The following SOX6 variants were observed in gnomAD, a reference collection of about 807,000 sequenced individuals.
The protein encoded by SOX6 is SRY-box transcription factor 6, also known as transcription factor SOX-6.
In SOX6, 11 loss-of-function variants were observed where a neutral mutation model predicts 97.8. The observed-to-expected ratio is 0.11, with a 90% CI of 0.07 to 0.19. The LOEUF (loss-of-function observed/expected upper bound fraction) is 0.19. Ranked by LOEUF, SOX6 falls within the 10% of genes least tolerant of loss-of-function variation. The pLI is 1.00. For synonymous variants in SOX6, 360 were observed against 371.4 expected (o/e 0.97, Z 0.35); for missense variants, 810 against 1,039.5 (o/e 0.78, Z 3.04).
chr11:16,699,450 T>G (rs751330492), intron 3 of SOX6, among the ~76,000 whole-genome samples: 2 of 152,286 alleles, frequency 1.3e-5, no homozygotes, highest in East Asian at 1.9e-4. Flanking sequence ...TTATTTAGAA[T>G]GCAAATTTTC....
chr11:16,377,230 A>T (rs559556770), intron 1 of SOX6, among the ~76,000 whole-genome samples: 7 of 152,130 alleles, frequency 4.6e-5, no homozygotes, highest in Non-Finnish European at 8.8e-5. Flanking sequence ...GTAGATAAAT[A>T]AAAACTGCAG....
intron 4 of SOX6, among the ~76,000 whole-genome samples, chr11:16,573,522 C>A (rs1316102002): frequency 6.6e-6 from 1 of 152,012 alleles, no homozygotes; most frequent in Non-Finnish European, 1.5e-5. Flanking sequence ...ACTTTTATAA[C>A]ATATTTGAGT....
At chr11:16,302,566 C>CTTTTTTTTTTTTT (rs71044096) in intron 3 of SOX6, among the ~76,000 whole-genome samples, 16 of 86,996 alleles carry the variant, frequency 1.8e-4, no homozygotes, top group Non-Finnish European at 2.7e-4. Flanking sequence ...TTCTTTTTTT[C>CTTTTTTTTTTTTT]TTTTTTTTTT....
At chr11:16,063,512 ATATATATATATATATATATATATAT>A (rs1446374624) in intron 9 of SOX6, among the ~76,000 whole-genome samples, 1 of 43,958 alleles carries the variant, frequency 2.3e-5, no homozygotes, top group East Asian at 8.9e-4. Context: ...ATATATATAT[ATATATATATATATATATATATATAT>A]ATATATATAT....
intron 4 of SOX6, among the ~76,000 whole-genome samples, chr11:16,233,372 G>C (rs1852917278): frequency 1.3e-5 from 2 of 152,108 alleles, no homozygotes; most frequent in African/African-American, 4.8e-5. Context: ...TGGTTAGTAG[G>C]CAAAAAGTAT....
At chr11:16,009,668 G>T (rs1446757540) in intron 13 of SOX6, among the ~76,000 whole-genome samples, 1 of 152,062 alleles carries the variant, frequency 6.6e-6, no homozygotes, top group Non-Finnish European at 1.5e-5. Flanking sequence ...AGGGATATGA[G>T]AAGTGATTTC....
At position 16,734,886 on chromosome 11, in the gene SOX6, T is replaced by C. The variant is rs191883447; in HGVS notation, n.353+1453A>G. On this transcript the variant is annotated intron_variant and non_coding_transcript_variant, in intron 2 of 5. Coordinates refer to the SOX6 transcript ENST00000524520. ...TTTATTATAGCACTTATTTTTGTTG[T>C]GGTGGGCTAATCAAGATAAGTTAAA... 3.0e-3 allele frequency among the ~76,000 whole-genome samples: 453 copies of C among 152,296 alleles called. 3 individuals carry two copies. Among genetic ancestry groups the C allele is most frequent in the Middle Eastern group, 6.8e-3 (2 of 294 alleles).
intron 1 of SOX6, among the ~76,000 whole-genome samples, chr11:16,425,996 C>A (rs1340377075): frequency 2.0e-5 from 3 of 151,528 alleles, no homozygotes; most frequent in Non-Finnish European, 4.4e-5. Flanking sequence ...GTGGCTCTCA[C>A]CTGTAATCCC....
At chr11:16,260,150 C>T (rs1180982213) in intron 3 of SOX6, among the ~76,000 whole-genome samples, 1 of 151,988 alleles carries the variant, frequency 6.6e-6, no homozygotes, top group Non-Finnish European at 1.5e-5. Context: ...CAGGCACCTG[C>T]CACCACACTT....
At chr11:16,497,441 C>T (rs1775456015) in intron 4 of SOX6, among the ~76,000 whole-genome samples, 1 of 152,116 alleles carries the variant, frequency 6.6e-6, no homozygotes, top group Non-Finnish European at 1.5e-5. Context: ...CAGGTCCTCA[C>T]CAGCAACGGA....
chr11:16,531,751 C>T (rs1197080941), intron 4 of SOX6, among the ~76,000 whole-genome samples: 1 of 151,900 alleles, frequency 6.6e-6, no homozygotes, highest in African/African-American at 2.4e-5. Context: ...TGTGAATTCA[C>T]TCATACTCGC....
chr11:16,328,139 C>A (rs1034451391), intron 2 of SOX6, among the ~76,000 whole-genome samples: 31 of 152,212 alleles, frequency 2.0e-4, no homozygotes, highest in African/African-American at 7.0e-4. Flanking sequence ...GGACGACACT[C>A]AATCTACAAC....
chr11:16,534,193 T>G (rs1318518322), intron 4 of SOX6, among the ~76,000 whole-genome samples: 1 of 152,120 alleles, frequency 6.6e-6, no homozygotes, highest in Non-Finnish European at 1.5e-5. Flanking sequence ...TCATACAATA[T>G]TGGTTGGTGA....
At chr11:16,590,137 T>C (rs1022212695) in intron 4 of SOX6, among the ~76,000 whole-genome samples, 2 of 152,150 alleles carry the variant, frequency 1.3e-5, no homozygotes, top group East Asian at 1.9e-4. Flanking sequence ...ATTGTATAGG[T>C]GGTACTGCCA....
chr11:16,234,781 G>T, intron 3 of SOX6, 110 bp from the exon 4 acceptor site: 1 of 594,874 alleles, frequency 1.7e-6, no homozygotes. Context: ...TTTTGTTGCT[G>T]TAGCTTGAAC....
chr11:16,097,219 C>T (rs1392947956), intron 8 of SOX6, among the ~76,000 whole-genome samples: 3 of 151,658 alleles, frequency 2.0e-5, no homozygotes, highest in African/African-American at 7.3e-5. Flanking sequence ...CTATGAGCTA[C>T]AAGAAGGAAA....
intron 4 of SOX6, among the ~76,000 whole-genome samples, chr11:16,604,651 C>A (rs1406329276): frequency 1.3e-5 from 2 of 152,188 alleles, no homozygotes; most frequent in Non-Finnish European, 2.9e-5. Context: ...AAACTTCAAG[C>A]GCGGCCCTCA....
chr11:16,522,995 C>T, intron 4 of SOX6, among the ~76,000 whole-genome samples: 1 of 152,244 alleles, frequency 6.6e-6, no homozygotes, highest in African/African-American at 2.4e-5. Context: ...TCCTTAGAGA[C>T]CTACAAAGAG....
intron 1 of SOX6, among the ~76,000 whole-genome samples, chr11:16,442,367 C>T (rs1190756634): frequency 6.6e-6 from 1 of 152,082 alleles, no homozygotes; most frequent in Non-Finnish European, 1.5e-5. Flanking sequence ...TGACCTTATG[C>T]TTATGTGAAA....
Sources: gnomAD v4.1 joint callset for allele counts (sites outside exome capture counted in the v4.1 genomes callset) on GRCh38, gnomAD v4.1.1 for gene constraint, MANE v1.5 for transcripts, NCBI Gene and HGNC (gene_info 2026-07-23, HGNC 2026-07-21) for gene names.